UACA: variants seen among roughly 807,000 people sequenced by gnomAD.
UACA encodes the protein uveal autoantigen with coiled-coil domains and ankyrin repeats.
In UACA, 112 loss-of-function variants were observed where a neutral mutation model predicts 160.5. The observed-to-expected ratio is 0.70, with a 90% CI of 0.60 to 0.82. The LOEUF (loss-of-function observed/expected upper bound fraction) is 0.82. UACA is among the 40% of genes least tolerant of loss of function. The probability of loss-of-function intolerance (pLI) is 0.00; values close to 1 mark genes in which losing one functional copy is unlikely to be tolerated. For synonymous variants in UACA, 557 were observed against 568.4 expected (o/e 0.98, Z 0.29); for missense variants, 1,574 against 1,614.6 (o/e 0.97, Z 0.43).
chr15:70,678,304 T>C (rs1275496677), intron 10 of UACA, 98 bp from the exon 11 acceptor site: 3 of 670,736 alleles, frequency 4.5e-6, no homozygotes, highest in Non-Finnish European at 7.6e-6. Flanking sequence ...TACAGGTACA[T>C]ACATATGTAA....
intron 2 of UACA, among the ~76,000 whole-genome samples, chr15:70,699,203 C>T (rs906530331): frequency 1.3e-5 from 2 of 152,094 alleles, no homozygotes; most frequent in Non-Finnish European, 2.9e-5. Flanking sequence ...TTTCCCACTT[C>T]TTTTATCAGG....
In UACA at chr15:70,725,711, C is replaced by T. The variant is rs554386632; in HGVS notation, c.79-26051G>A. 2.6e-5 allele frequency among the ~76,000 whole-genome samples: 4 copies of T among 151,938 alleles called. No homozygotes were observed. In the East Asian group the frequency reaches 7.7e-4, roughly 29 times the overall value. ...TATCATTGAACCAAAAAATAAAAAC[C>T]AAGAGTGGGGATACAAATGTACCTG... On this transcript the variant is annotated intron_variant, in intron 1 of 18. Coordinates refer to ENST00000322954, the MANE Select transcript of UACA (RefSeq NM_018003.4).
chr15:70,718,323 A>AGTGTGTGTGTGTGT (rs1491099807), intron 1 of UACA, among the ~76,000 whole-genome samples: 12 of 15,604 alleles, frequency 7.7e-4, no homozygotes, highest in African/African-American at 1.0e-3. Flanking sequence ...AGAGAGAGAG[A>AGTGTGTGTGTGTGT]ATGTGTGTGT....
Position 70,723,514 on chromosome 15 carries a change from C to A in UACA, c.79-23854G>T, listed in dbSNP as rs936963762. On this transcript the variant is annotated intron_variant, in intron 1 of 18. Transcript: ENST00000322954. ...GTACTCTCCCTCTAGCCTCCAATCT[C>A]TTTTCATAGCGAAGTTCTTCAAAAT... Among the ~76,000 whole-genome samples, 3 of 152,212 alleles carry A rather than the reference C, an allele frequency of 2.0e-5. No homozygotes were observed. The South Asian group carries it at 6.2e-4, about 31-fold the overall frequency.
At chr15:70,715,174 T>C (rs1028848349) in intron 1 of UACA, among the ~76,000 whole-genome samples, 12 of 152,186 alleles carry the variant, frequency 7.9e-5, no homozygotes, top group African/African-American at 2.7e-4. Context: ...TTTTTAAATA[T>C]AAAGCTAAAA....
chr15:70,769,722 C>T, the UACA span, among the ~76,000 whole-genome samples: 3 of 151,586 alleles, frequency 2.0e-5, no homozygotes. Context: ...TATTTTAGGC[C>T]AGGCACGGTC....
At position 70,687,637 on chromosome 15, in the gene UACA, T is replaced by C; in HGVS notation, c.505A>G (p.Thr169Ala). 1.2e-6 allele frequency: 2 copies of C among 1,613,860 alleles called. No homozygotes were observed. Among genetic ancestry groups the C allele is most frequent in the African/African-American group, 1.3e-5 (1 of 75,030 alleles). ...ATCTGAGTAGCCAGAACAAGTGGTG[T>C]CCGCCCGTCCTAAGCAACAGGAAAA... ...SVNAKDVDGR[T>A]PLVLATQMSR... The change falls in exon 7 of 19, where the codon ACA becomes GCA. Residue 169 changes from threonine (T) to alanine (A), a missense_variant. Transcript: ENST00000322954.
At chr15:70,674,761 C>G (rs1487227833) in intron 13 of UACA, among the ~76,000 whole-genome samples, 1 of 152,114 alleles carries the variant, frequency 6.6e-6, no homozygotes, top group Non-Finnish European at 1.5e-5. Flanking sequence ...CCACGCCCTG[C>G]TAATTTTTGT....
At chr15:70,680,363 G>GAA (rs1897455023) in intron 9 of UACA, among the ~76,000 whole-genome samples, 1 of 151,766 alleles carries the variant, frequency 6.6e-6, no homozygotes, top group African/African-American at 2.4e-5. Context: ...AACTAATGTA[G>GAA]AAAGCTATTT....
rs911819827 is a variant in UACA, at chr15:70,660,077, C to T, written c.4179+74G>A. ...CTACTTTAAACATCAATTACTTTCA[C>T]ATAAATTTATTTGAAAATAAAAAAT... On this transcript the variant is annotated intron_variant, in intron 18 of 18. Coordinates refer to ENST00000322954, the MANE Select transcript of UACA (RefSeq NM_018003.4). 12 of 1,239,378 alleles carry T rather than the reference C, an allele frequency of 9.7e-6. No homozygotes were observed. The East Asian group carries it at 1.8e-4, about 18-fold the overall frequency. The allele number at this position is 1,239,378 out of a possible 1,614,324, so 76.8% of individuals were successfully genotyped here.
At chr15:70,718,319 A>AATGT (rs1566989707) in intron 1 of UACA, among the ~76,000 whole-genome samples, 6 of 93,940 alleles carry the variant, frequency 6.4e-5, no homozygotes, top group African/African-American at 1.8e-4. Context: ...GGAGAGAGAG[A>AATGT]GAGAATGTGT....
At chr15:70,702,946 T>C (rs1378814857) in intron 1 of UACA, among the ~76,000 whole-genome samples, 1 of 151,936 alleles carries the variant, frequency 6.6e-6, no homozygotes, top group African/African-American at 2.4e-5. Flanking sequence ...ATATAACAAG[T>C]AAATATTTTA....
intron 1 of UACA, among the ~76,000 whole-genome samples, chr15:70,744,265 A>G (rs865852012): frequency 5.7e-4 from 85 of 149,022 alleles, no homozygotes; most frequent in East Asian, 4.3e-3. Flanking sequence ...AAAAAAAAAA[A>G]AAAGAAAGAA....
chr15:70,674,921 C>T (rs28367275), intron 13 of UACA, among the ~76,000 whole-genome samples: 19,689 of 152,054 alleles, frequency 0.13, 1,493 homozygotes, highest in African/African-American at 0.21. Flanking sequence ...TTAAGACATG[C>T]GAAAGTCTAG....
At chr15:70,776,231 T>G in the UACA span, among the ~76,000 whole-genome samples, 1 of 152,120 alleles carries the variant, frequency 6.6e-6, no homozygotes, top group Admixed American at 6.6e-5. Context: ...CAGGGAAAAT[T>G]TAAGCAACAT....
Position 70,690,366 on chromosome 15 carries a change from T to A in UACA, c.424+88A>T, listed in dbSNP as rs1897887787. Reference sequence around the variant, plus strand: ...ATTCTTTGTTTCTCCATGAATTATATAAATATCTATGTGTTAAAACCCTGA... The same window carrying A: ...ATTCTTTGTTTCTCCATGAATTATAAAAATATCTATGTGTTAAAACCCTGA... On this transcript the variant is annotated intron_variant, in intron 5 of 18. Transcript: ENST00000322954. 8 of 1,156,712 alleles carry A rather than the reference T, an allele frequency of 6.9e-6. No homozygotes were observed. The East Asian group carries it at 1.7e-4, about 25-fold the overall frequency. 71.7% of individuals were successfully genotyped at this position (1,156,712 alleles called of 1,614,324 possible).
At position 70,671,964 on chromosome 15, in the gene UACA, C is replaced by G; in HGVS notation, c.1168+1G>C. ...ATGATAATCCATACTTTTATACTTA[C>G]GGTTACTGAAATGACTTCCTGATCC... On this transcript the variant is annotated splice_donor_variant, in intron 14 of 18. Transcript: ENST00000322954. LOFTEE classifies it high-confidence loss of function. The G allele has an allele frequency of 1.3e-6, 2 of 1,596,056 alleles. No homozygotes were observed. The highest frequency in any genetic ancestry group is 2.7e-5 in the African/African-American group (2 of 74,502).
At chr15:70,763,274 G>A in intron 1 of UACA, 56 bp downstream of exon 1, 9 of 1,296,984 alleles carry the variant, frequency 6.9e-6, no homozygotes, top group East Asian at 3.2e-5. Context: ...GCCAGCAAAG[G>A]AGGGCTGCGC....
At chr15:70,747,791 T>C (rs1328254352) in intron 1 of UACA, among the ~76,000 whole-genome samples, 2 of 152,148 alleles carry the variant, frequency 1.3e-5, no homozygotes, top group East Asian at 3.9e-4. Flanking sequence ...TTAAATAGTA[T>C]TGACACTAAA....
Sources: gnomAD v4.1 joint callset for allele counts (sites outside exome capture counted in the v4.1 genomes callset) on GRCh38, gnomAD v4.1.1 for gene constraint, MANE v1.5 for transcripts, NCBI Gene and HGNC (gene_info 2026-07-23, HGNC 2026-07-21) for gene names.